Variants in SLC25A26 observed in about 807,000 individuals in gnomAD.
The protein encoded by SLC25A26 is solute carrier family 25 member 26, also known as mitochondrial S-adenosylmethionine carrier protein.
Under a neutral mutation model 37.8 loss-of-function variants are expected in SLC25A26, and 36 were observed. The observed-to-expected ratio is 0.95, with a 90% CI of 0.73 to 1.26. The LOEUF (loss-of-function observed/expected upper bound fraction) is 1.26. SLC25A26 is among the 50% of genes most tolerant of loss of function. The pLI is 0.00. For missense variants in SLC25A26, 390 were observed against 331.1 expected, an observed-to-expected ratio of 1.18 and a Z score of -1.38; for synonymous variants, 129 against 122.5, an observed-to-expected ratio of 1.05 and a Z score of -0.35.
intron 1 of SLC25A26, among the ~76,000 whole-genome samples, chr3:66,234,712 T>C (rs1430847589): frequency 2.6e-5 from 4 of 152,236 alleles, no homozygotes; most frequent in Non-Finnish European, 5.9e-5. Context: ...AAGCAGATAG[T>C]ATTTGCTAGG....
Position 66,362,872 on chromosome 3 carries a change from T to A in SLC25A26, c.511T>A (p.Trp171Arg). ...TCCTTAAACACAGGCCCTCTGGTCC[T>A]GGAGGCAGGATCATGTGGTGGATTC... ...LWESLKALWS[W>R]RQDHVVDSWQ... Residue 171 changes from tryptophan to arginine, a missense_variant, in exon 7 of 10, where the codon TGG becomes AGG. Transcript: ENST00000354883. 1 of 1,605,410 alleles carries A rather than the reference T, an allele frequency of 6.2e-7. No homozygotes were observed. Among genetic ancestry groups the A allele is most frequent in the South Asian group, 1.1e-5 (1 of 88,860 alleles).
chr3:66,302,694 G>T (rs774160293), intron 5 of SLC25A26, among the ~76,000 whole-genome samples: 4 of 152,166 alleles, frequency 2.6e-5, no homozygotes, highest in Non-Finnish European at 4.4e-5. Context: ...GGCTTTGTCT[G>T]TCAGAAGCAA....
intron 5 of SLC25A26, among the ~76,000 whole-genome samples, chr3:66,303,232 C>T (rs565812295): frequency 9.2e-4 from 140 of 152,266 alleles, no homozygotes; most frequent in African/African-American, 3.1e-3. Context: ...ATTTTATGGC[C>T]ATTTTACTAC....
intron 5 of SLC25A26, among the ~76,000 whole-genome samples, chr3:66,264,608 A>G (rs1435345076): frequency 6.6e-6 from 1 of 150,612 alleles, no homozygotes; most frequent in Admixed American, 6.6e-5. Flanking sequence ...CCTTATGAGA[A>G]TCTAATGCAT....
Position 66,243,267 on chromosome 3 carries a change from T to G in SLC25A26, c.255T>G (p.Tyr85Ter), listed in dbSNP as rs782564545. The change falls in exon 3 of 10, where the codon TAT becomes TAG. Residue 85 changes from tyrosine to a stop codon, truncating the protein, a stop_gained. Coordinates refer to ENST00000354883, the MANE Select transcript of SLC25A26 (RefSeq NM_001379210.1). LOFTEE classifies it high-confidence loss of function. Reference protein sequence around the residue: ...KWFLHADSSSYLTPMKHMLAA... With the variant: ...KWFLHADSSS ...TTTTGCATGCTGATTCATCTTCATATTTGACACCTATGAAACATATGTTGG... is the reference window on the plus strand; with the variant it reads ...TTTTGCATGCTGATTCATCTTCATAGTTGACACCTATGAAACATATGTTGG... 1.7e-5 allele frequency: 27 copies of G among 1,609,670 alleles called. No homozygotes were observed. The highest frequency in any genetic ancestry group is 2.7e-5 in the African/African-American group (2 of 74,880).
chr3:66,271,662 C>T (rs1489833756), intron 5 of SLC25A26, among the ~76,000 whole-genome samples: 2 of 152,036 alleles, frequency 1.3e-5, no homozygotes, highest in Admixed American at 6.6e-5. Context: ...GTGGTACTAC[C>T]GTTACTGAGT....
At chr3:66,279,907 C>G (rs1330722798) in intron 5 of SLC25A26, among the ~76,000 whole-genome samples, 1 of 152,062 alleles carries the variant, frequency 6.6e-6, no homozygotes, top group African/African-American at 2.4e-5. Flanking sequence ...AAAATCACTT[C>G]GGGACAAAAT....
Position 66,175,155 on chromosome 3 carries a change from ACACAC to A in SLC25A26, c.-354+41172_-354+41176del, listed in dbSNP as rs1328304341. On this transcript the variant is annotated intron_variant, in intron 1 of 10. Coordinates refer to the SLC25A26 transcript ENST00000676754. ...TATATATATATACACACACACACAC[ACACAC>A]ATTATATGTATATATACACATACAT... 4.2e-3 allele frequency among the ~76,000 whole-genome samples: 568 copies of A among 135,402 alleles called. 2 individuals are homozygous for A. The highest frequency in any genetic ancestry group is 0.013 in the African/African-American group (491 of 38,814). The allele number at this position is 135,402 out of a possible 152,430, so 88.8% of individuals were successfully genotyped here.
chr3:66,171,274 T>G (rs1025563882), intron 1 of SLC25A26, among the ~76,000 whole-genome samples: 7 of 152,178 alleles, frequency 4.6e-5, no homozygotes. Flanking sequence ...AAATTTCTCT[T>G]AGTCCTTGGT....
chr3:66,157,574 A>T (rs2070301054), intron 1 of SLC25A26, among the ~76,000 whole-genome samples: 1 of 152,234 alleles, frequency 6.6e-6, no homozygotes, highest in African/African-American at 2.4e-5. Flanking sequence ...CATGTGTAGA[A>T]GTGGACTTCA....
chr3:66,137,821 T>A (rs931896746), intron 1 of SLC25A26, among the ~76,000 whole-genome samples: 3 of 152,096 alleles, frequency 2.0e-5, no homozygotes, highest in African/African-American at 7.2e-5. Flanking sequence ...TATAGTCACA[T>A]GAACATTTTC....
intron 1 of SLC25A26, among the ~76,000 whole-genome samples, chr3:66,164,538 C>T (rs2070400327): frequency 6.6e-6 from 1 of 152,050 alleles, no homozygotes; most frequent in Admixed American, 6.6e-5. Flanking sequence ...CTTGGGATAC[C>T]TTCCCATTCT....
chr3:66,257,071 A>G (rs782626848), intron 3 of SLC25A26, among the ~76,000 whole-genome samples: 5 of 151,822 alleles, frequency 3.3e-5, no homozygotes, highest in Admixed American at 2.6e-4. Flanking sequence ...GGTGCTTACA[A>G]TTTAGTAGAA....
chr3:66,173,240 G>A (rs772302269), intron 1 of SLC25A26, among the ~76,000 whole-genome samples: 5 of 152,156 alleles, frequency 3.3e-5, no homozygotes, highest in Non-Finnish European at 7.4e-5. Flanking sequence ...ATGCCTGTCT[G>A]GGGATTGGAA....
At chr3:66,356,846 C>A (rs1414531573) in intron 6 of SLC25A26, among the ~76,000 whole-genome samples, 1 of 151,980 alleles carries the variant, frequency 6.6e-6, no homozygotes, top group Non-Finnish European at 1.5e-5. Context: ...TCAGGCTGGT[C>A]TCAAACTCCT....
At chr3:66,258,161 A>G (rs1215270783) in intron 3 of SLC25A26, among the ~76,000 whole-genome samples, 2 of 152,086 alleles carry the variant, frequency 1.3e-5, no homozygotes, top group Non-Finnish European at 2.9e-5. Context: ...CTCCCTAACA[A>G]GGGGTGGCCA....
chr3:66,244,087 G>A (rs1576697663), intron 3 of SLC25A26, among the ~76,000 whole-genome samples: 1 of 152,166 alleles, frequency 6.6e-6, no homozygotes, highest in South Asian at 2.1e-4. Context: ...TATACAAACT[G>A]CTTAATTAGC....
intron 5 of SLC25A26, among the ~76,000 whole-genome samples, chr3:66,326,214 GC>G (rs2075833992): frequency 6.6e-6 from 1 of 152,156 alleles, no homozygotes; most frequent in Non-Finnish European, 1.5e-5. Context: ...CATACAGAGT[GC>G]CTGTGAAATA....
At chr3:66,237,986 C>T (rs186642114) in intron 2 of SLC25A26, among the ~76,000 whole-genome samples, 1 of 152,276 alleles carries the variant, frequency 6.6e-6, no homozygotes, top group East Asian at 1.9e-4. Flanking sequence ...CCTTCCCCAT[C>T]CCCCAGCCAT....
Sources: gnomAD v4.1 joint callset for allele counts (sites outside exome capture counted in the v4.1 genomes callset) on GRCh38, gnomAD v4.1.1 for gene constraint, MANE v1.5 for transcripts, NCBI Gene and HGNC (gene_info 2026-07-23, HGNC 2026-07-21) for gene names.